FAP: variants seen among roughly 807,000 people sequenced by gnomAD.
The protein encoded by FAP is fibroblast activation protein alpha, also known as prolyl endopeptidase FAP.
FAP carries 110 observed loss-of-function variants against 126.5 expected under a neutral mutation model. The observed-to-expected ratio is 0.87, with a 90% CI of 0.74 to 1.02. The LOEUF (loss-of-function observed/expected upper bound fraction) is 1.02, where lower values mean the gene tolerates loss of function less well. Among genes scored for constraint, FAP ranks in the 50% least tolerant of loss-of-function variants. The pLI is 0.00. For missense variants in FAP, 919 were observed against 909.2 expected, an observed-to-expected ratio of 1.01 and a Z score of -0.14; for synonymous variants, 334 against 297.3, an observed-to-expected ratio of 1.12 and a Z score of -1.27.
chr2:162,209,409 C>T (rs530023321), intron 12 of FAP, among the ~76,000 whole-genome samples: 9 of 152,178 alleles, frequency 5.9e-5, no homozygotes, highest in African/African-American at 1.9e-4. Flanking sequence ...TAAACCTATC[C>T]TAAACTTCCA....
At chr2:162,183,643 T>C in intron 20 of FAP, 175 bp from the exon 21 acceptor site, 1 of 559,750 alleles carries the variant, frequency 1.8e-6, no homozygotes, top group South Asian at 2.2e-5. Context: ...TCATGTTTTC[T>C]GCAAAGAGAT....
At chr2:162,197,036 A>C (rs1263895172) in intron 16 of FAP, among the ~76,000 whole-genome samples, 3 of 152,238 alleles carry the variant, frequency 2.0e-5, no homozygotes, top group South Asian at 2.1e-4. Context: ...AACGTAATAC[A>C]AAATGTGAGA....
chr2:162,219,298 T>A, intron 7 of FAP, 115 bp from the exon 8 acceptor site: 1 of 1,003,930 alleles, frequency 1.0e-6, no homozygotes. Flanking sequence ...CAAAAAAGAT[T>A]CACAACTAAA....
intron 11 of FAP, among the ~76,000 whole-genome samples, chr2:162,212,963 A>G (rs1689004170): frequency 6.6e-6 from 1 of 152,232 alleles, no homozygotes; most frequent in African/African-American, 2.4e-5. Context: ...GCTTAGTTTT[A>G]AAGGCTTTTT....
rs752050288 is a variant in FAP, at chr2:162,170,988, C to T, written c.2274G>A (p.Leu758=). ...MTHFLKQCFS[L]SD ...TGCATCTGCATCGTTTTTAGTCTGACAAAGAGAAACACTGCTTTAGGAAGT... is the reference window on the plus strand; with the variant it reads ...TGCATCTGCATCGTTTTTAGTCTGATAAAGAGAAACACTGCTTTAGGAAGT... Residue 758 remains leucine (L), a synonymous_variant, in exon 26 of 26, where the codon TTG becomes TTA. Transcript: ENST00000188790. 7 of 1,612,742 alleles carry T rather than the reference C, an allele frequency of 4.3e-6. No individual in the cohort carries two copies. Among genetic ancestry groups the T allele is most frequent in the Non-Finnish European group, 5.9e-6 (7 of 1,179,034 alleles).
At chr2:162,188,031 T>C in intron 20 of FAP, 138 bp downstream of exon 20, 2 of 674,348 alleles carry the variant, frequency 3.0e-6, no homozygotes, top group Non-Finnish European at 5.0e-6. Flanking sequence ...GAAATACCTC[T>C]TTAAGATTAG....
chr2:162,243,299 T>C, intron 1 of FAP, 23 bp downstream of exon 1: 9 of 1,565,154 alleles, frequency 5.8e-6, no homozygotes, highest in Non-Finnish European at 7.9e-6. Context: ...TTTTTAAGAA[T>C]ACTTGAGGTT....
intron 12 of FAP, among the ~76,000 whole-genome samples, chr2:162,206,028 G>T (rs954665431): frequency 2.0e-5 from 3 of 152,090 alleles, no homozygotes; most frequent in Non-Finnish European, 2.9e-5. Context: ...AAAAAACAGG[G>T]CAGAGTGTTA....
intron 20 of FAP, among the ~76,000 whole-genome samples, chr2:162,185,045 G>A (rs1687815687): frequency 6.6e-6 from 1 of 152,164 alleles, no homozygotes; most frequent in Admixed American, 6.6e-5. Context: ...TTAAAGGTTA[G>A]CTAGATAATC....
intron 17 of FAP, among the ~76,000 whole-genome samples, chr2:162,191,072 C>T (rs978104586): frequency 6.6e-6 from 1 of 152,014 alleles, no homozygotes. Context: ...TTCATTCTTG[C>T]GTGGATTCTG....
chr2:162,195,869 C>CCA (rs1688235165), intron 16 of FAP, among the ~76,000 whole-genome samples: 1 of 152,114 alleles, frequency 6.6e-6, no homozygotes, highest in Non-Finnish European at 1.5e-5. Flanking sequence ...CCACCCCCCC[C>CCA]AGATAGGGTG....
intron 2 of FAP, among the ~76,000 whole-genome samples, chr2:162,241,160 A>G (rs1297739826): frequency 6.6e-6 from 1 of 152,210 alleles, no homozygotes; most frequent in Non-Finnish European, 1.5e-5. Flanking sequence ...CTATTTCTGA[A>G]TGAGTACTCA....
chr2:162,231,937 C>G (rs1033370499), intron 2 of FAP, among the ~76,000 whole-genome samples: 3 of 152,036 alleles, frequency 2.0e-5, no homozygotes, highest in Non-Finnish European at 4.4e-5. Flanking sequence ...GAGGTCATAC[C>G]AAGGAAAGGG....
intron 2 of FAP, among the ~76,000 whole-genome samples, chr2:162,237,030 T>C (rs1299633328): frequency 2.0e-5 from 3 of 152,206 alleles, no homozygotes; most frequent in Non-Finnish European, 4.4e-5. Context: ...CTGTTTTTAT[T>C]ATTAATGGGA....
At chr2:162,217,951 G>A (rs1689217225) in intron 9 of FAP, 35 bp downstream of exon 9, 1 of 1,488,532 alleles carries the variant, frequency 6.7e-7, no homozygotes, top group African/African-American at 1.4e-5. Context: ...TTGATACCAG[G>A]AAAATGAAAG....
At chr2:162,199,123 G>A (rs1688388908) in intron 15 of FAP, among the ~76,000 whole-genome samples, 1 of 152,084 alleles carries the variant, frequency 6.6e-6, no homozygotes, top group Admixed American at 6.5e-5. Flanking sequence ...CCCTGGAGTG[G>A]GAGAAATATC....
chr2:162,203,239 T>A, intron 12 of FAP, 94 bp from the exon 13 acceptor site: 1 of 714,840 alleles, frequency 1.4e-6, no homozygotes, highest in Non-Finnish European at 2.3e-6. Flanking sequence ...ATGGTCATAG[T>A]TATAGGAATC....
chr2:162,177,302 T>C (rs939552160), intron 21 of FAP, among the ~76,000 whole-genome samples: 1 of 152,198 alleles, frequency 6.6e-6, no homozygotes, highest in Non-Finnish European at 1.5e-5. Flanking sequence ...TAATGCACAC[T>C]GGAACATTTT....
At chr2:162,177,646 C>T (rs1325702800) in intron 21 of FAP, among the ~76,000 whole-genome samples, 2 of 152,170 alleles carry the variant, frequency 1.3e-5, no homozygotes, top group Non-Finnish European at 2.9e-5. Context: ...CACCATTCCT[C>T]TTTCTTGTTT....
Sources: allele counts gnomAD v4.1 joint callset (sites outside exome capture counted in the v4.1 genomes callset), GRCh38; gene constraint gnomAD v4.1.1; transcripts MANE v1.5; gene names NCBI Gene and HGNC (gene_info 2026-07-23, HGNC 2026-07-21).